The following RIMS2 variants were observed in gnomAD, a reference collection of about 807,000 sequenced individuals.
RIMS2 encodes regulating synaptic membrane exocytosis 2.
A neutral mutation model predicts 174.4 loss-of-function variants in RIMS2; 59 were observed. The ratio of observed to expected loss-of-function variants is 0.34; its 90% CI spans 0.27 to 0.42. The LOEUF (loss-of-function observed/expected upper bound fraction) is 0.42, where lower values mean the gene tolerates loss of function less well. Among genes scored for constraint, RIMS2 ranks in the 10% least tolerant of loss-of-function variants. The probability of loss-of-function intolerance (pLI) is 1.00; values close to 1 mark genes in which losing one functional copy is unlikely to be tolerated. For synonymous variants in RIMS2, 606 were observed against 572.5 expected, an observed-to-expected ratio of 1.06 and a Z score of -0.84; for missense variants, 1,620 against 1,666.3, an observed-to-expected ratio of 0.97 and a Z score of 0.48.
chr8:104,144,334 C>T (rs918995133), intron 19 of RIMS2, among the ~76,000 whole-genome samples: 2 of 151,998 alleles, frequency 1.3e-5, no homozygotes, highest in African/African-American at 4.8e-5. Context: ...AAACAGTGTC[C>T]TTTTCTAGAA....
intron 19 of RIMS2, among the ~76,000 whole-genome samples, chr8:104,046,045 A>G (rs1004507903): frequency 2.0e-5 from 3 of 152,038 alleles, no homozygotes; most frequent in African/African-American, 4.8e-5. Context: ...GCCCATTGAT[A>G]TGTATTATCT....
chr8:103,961,104 A>C, exon 15 of RIMS2: 3 of 1,507,694 alleles, frequency 2.0e-6, no homozygotes, highest in Non-Finnish European at 2.8e-6. Context: ...TCTGACTATG[A>C]CTGTGATGAT....
intron 4 of RIMS2, among the ~76,000 whole-genome samples, chr8:103,892,733 C>T (rs1314790501): frequency 6.6e-6 from 1 of 152,032 alleles, no homozygotes; most frequent in African/African-American, 2.4e-5. Flanking sequence ...ATCATTATAA[C>T]TCCTGACCTC....
intron 14 of RIMS2, among the ~76,000 whole-genome samples, chr8:103,954,708 C>T (rs981303854): frequency 6.7e-6 from 1 of 150,078 alleles, no homozygotes; most frequent in Non-Finnish European, 1.5e-5. Flanking sequence ...GAAGCAAGAG[C>T]AAACAAATCC....
intron 1 of RIMS2, among the ~76,000 whole-genome samples, chr8:103,590,257 C>T (rs2094186312): frequency 6.6e-6 from 1 of 151,196 alleles, no homozygotes; most frequent in Non-Finnish European, 1.5e-5. Context: ...AGAGAAAAAC[C>T]TCAACGTGTC....
chr8:103,814,140 T>A (rs1449573432), intron 3 of RIMS2, among the ~76,000 whole-genome samples: 2 of 152,108 alleles, frequency 1.3e-5, no homozygotes, highest in African/African-American at 4.8e-5. Flanking sequence ...AGCAAACTGA[T>A]ACAGGAACAG....
At chr8:103,552,653 C>T (rs145946424) in intron 1 of RIMS2, among the ~76,000 whole-genome samples, 11 of 152,208 alleles carry the variant, frequency 7.2e-5, no homozygotes, top group Admixed American at 6.5e-5. Context: ...ACAGAGTGAA[C>T]AGGCAACCTA....
intron 19 of RIMS2, among the ~76,000 whole-genome samples, chr8:104,114,813 AATC>A (rs1266790049): frequency 6.6e-6 from 1 of 151,950 alleles, no homozygotes; most frequent in African/African-American, 2.4e-5. Context: ...CAATTTTTAT[AATC>A]ATTTAAGTTT....
intron 17 of RIMS2, among the ~76,000 whole-genome samples, chr8:104,005,207 A>G (rs1372793304): frequency 6.6e-6 from 1 of 152,212 alleles, no homozygotes; most frequent in East Asian, 1.9e-4. Flanking sequence ...AGGGATAGTG[A>G]TTGGAAGTTG....
intron 3 of RIMS2, among the ~76,000 whole-genome samples, chr8:103,807,991 A>C (rs1440310670): frequency 6.6e-6 from 1 of 151,992 alleles, no homozygotes; most frequent in Non-Finnish European, 1.5e-5. Context: ...TAAAAATTTT[A>C]TTTGCTTACC....
chr8:103,783,836 T>C (rs1178966100), intron 3 of RIMS2, among the ~76,000 whole-genome samples: 3 of 151,638 alleles, frequency 2.0e-5, no homozygotes, highest in East Asian at 3.9e-4. Context: ...CCCTGAGGAA[T>C]CGCCACACTG....
chr8:103,525,897 G>A (rs1328307097), intron 1 of RIMS2, among the ~76,000 whole-genome samples: 1 of 152,112 alleles, frequency 6.6e-6, no homozygotes, highest in East Asian at 1.9e-4. Context: ...TAGAAAAGCT[G>A]GATCAAATAT....
rs577951357 is a variant in RIMS2 at position 103,571,402 on chromosome 8, A to G, written c.176+70340A>G. ...CTTGAAGTTTCTTGAAAATACTGTA[A>G]TAGGATGTTAATGGAGATGGAATAT... On this transcript the variant is annotated intron_variant, in intron 1 of 23. Coordinates refer to ENST00000504942, the Ensembl canonical transcript of RIMS2. Among the ~76,000 whole-genome samples the G allele has an allele frequency of 5.3e-5, 8 of 152,284 alleles. No individual in the cohort carries two copies. The South Asian group carries it at 1.2e-3, about 24-fold the overall frequency.
chr8:103,608,314 G>A (rs1013505029), intron 1 of RIMS2, among the ~76,000 whole-genome samples: 1 of 143,568 alleles, frequency 7.0e-6, no homozygotes, highest in South Asian at 2.1e-4. Flanking sequence ...GCTGCTCGGG[G>A]GTCAGGGACC....
intron 19 of RIMS2, chr8:104,223,741 G>A (rs2099168114): frequency 6.3e-7 from 1 of 1,595,222 alleles, no homozygotes; most frequent in African/African-American, 1.3e-5. Flanking sequence ...CCTCCTTCGA[G>A]GCACTGGCCG....
chr8:103,802,035 A>G lies in RIMS2; in HGVS notation c.698+35498A>G, dbSNP rs371984759. On this transcript the variant is annotated intron_variant, in intron 3 of 23. Transcript: ENST00000504942. Reference sequence around the variant, plus strand: ...AGCAAGGAAAATTCTTTAGTAGTAAAATTACAATCAAAGAAAAGCTAGTAA... The same window carrying G: ...AGCAAGGAAAATTCTTTAGTAGTAAGATTACAATCAAAGAAAAGCTAGTAA... 4.6e-5 allele frequency among the ~76,000 whole-genome samples: 7 copies of G among 152,306 alleles called. 1 individual carries two copies. Among genetic ancestry groups the G allele is most frequent in the African/African-American group, 1.7e-4 (7 of 41,574 alleles).
chr8:103,675,451 G>A (rs1350244791), intron 1 of RIMS2, among the ~76,000 whole-genome samples: 2 of 152,178 alleles, frequency 1.3e-5, no homozygotes, highest in Non-Finnish European at 2.9e-5. Flanking sequence ...GCTTGACTCG[G>A]CCCTGCAGCT....
chr8:104,093,400 G>A, intron 19 of RIMS2, 71 bp from the exon 24 acceptor site: 1 of 1,080,504 alleles, frequency 9.3e-7, no homozygotes, highest in Non-Finnish European at 1.3e-6. Flanking sequence ...TGATGAAATA[G>A]GAGAAAGCTA....
At chr8:103,800,276 A>C (rs993651136) in intron 3 of RIMS2, among the ~76,000 whole-genome samples, 27 of 152,048 alleles carry the variant, frequency 1.8e-4, no homozygotes, top group Admixed American at 3.3e-4. Context: ...CATCACTTAT[A>C]ATGAAAAAAG....
Sources: gnomAD v4.1 joint callset for allele counts (sites outside exome capture counted in the v4.1 genomes callset) on GRCh38, gnomAD v4.1.1 for gene constraint, MANE v1.5 for transcripts, NCBI Gene and HGNC (gene_info 2026-07-23, HGNC 2026-07-21) for gene names.